The following AGBL4 variants were observed in gnomAD, a reference collection of about 807,000 sequenced individuals.
The protein encoded by AGBL4 is cytosolic carboxypeptidase 6.
In AGBL4, 58 loss-of-function variants were observed where a neutral mutation model predicts 66.4. The observed-to-expected ratio is 0.87, with a 90% CI of 0.71 to 1.09. AGBL4 has a LOEUF of 1.09. AGBL4 is among the 50% of genes least tolerant of loss of function. AGBL4 has a pLI of 0.00. For synonymous variants in AGBL4, 234 were observed against 222.9 expected, an observed-to-expected ratio of 1.05 and a Z score of -0.44; for missense variants, 579 against 631.0, an observed-to-expected ratio of 0.92 and a Z score of 0.88.
chr1:48,603,272 C>T (rs1210821968), intron 9 of AGBL4, among the ~76,000 whole-genome samples: 1 of 152,036 alleles, frequency 6.6e-6, no homozygotes, highest in Non-Finnish European at 1.5e-5. Context: ...GAGGTCGAGA[C>T]AATCCTGGTC....
chr1:48,727,862 A>G, intron 6 of AGBL4: 1 of 1,592,022 alleles, frequency 6.3e-7, no homozygotes, highest in Non-Finnish European at 8.6e-7. Context: ...GGAAAACACG[A>G]AAGCTTTATG....
chr1:49,371,256 C>G (rs372066820), intron 3 of AGBL4, among the ~76,000 whole-genome samples: 2,111 of 119,856 alleles, frequency 0.018, 30 homozygotes, highest in African/African-American at 0.056. Context: ...TAGATACATA[C>G]ATACATACAT....
chr1:48,669,589 C>T (rs1646244053), intron 6 of AGBL4, among the ~76,000 whole-genome samples: 1 of 152,158 alleles, frequency 6.6e-6, no homozygotes, highest in African/African-American at 2.4e-5. Context: ...AAACTGGCCT[C>T]ATCATTAACT....
chr1:48,523,387 CT>C, the AGBL4 span, among the ~76,000 whole-genome samples: 1 of 152,160 alleles, frequency 6.6e-6, no homozygotes, highest in Non-Finnish European at 1.5e-5. Flanking sequence ...ACTACATTCA[CT>C]TTCCCTGAAA....
intron 5 of AGBL4, among the ~76,000 whole-genome samples, chr1:48,884,621 A>C (rs1484183567): frequency 1.3e-5 from 2 of 152,232 alleles, no homozygotes; most frequent in African/African-American, 4.8e-5. Context: ...TCACAAATAC[A>C]TTTACACAGA....
intron 6 of AGBL4, among the ~76,000 whole-genome samples, chr1:48,703,356 A>G (rs1221239254): frequency 1.3e-5 from 2 of 152,204 alleles, no homozygotes; most frequent in Non-Finnish European, 2.9e-5. Flanking sequence ...CACTGCAGAA[A>G]ACTGAAACAG....
chr1:48,587,063 G>T lies in AGBL4; in HGVS notation c.1208C>A (p.Ser403Tyr), dbSNP rs992195025. ...HTSYCYTLEV[S>Y]FYSYIISGTT... ...GCCACTGATGATGTAGCTGTAGAAG[G>T]AGACCTCTAGGGTGTAGCAATAGGA... is the stretch of plus-strand genomic sequence containing the variant. The change falls in exon 11 of 14, where the codon TCC becomes TAC. Residue 403 changes from serine to tyrosine, a missense_variant. Ser to Tyr is a moderately radical substitution (Grantham distance 144). Coordinates refer to ENST00000371839, the MANE Select transcript of AGBL4 (RefSeq NM_032785.4). 1.9e-6 allele frequency: 3 copies of T among 1,606,240 alleles called. No homozygotes were observed. The highest frequency in any genetic ancestry group is 2.5e-6 in the Non-Finnish European group (3 of 1,176,736).
chr1:48,583,170 C>A (rs1644765343), intron 11 of AGBL4, among the ~76,000 whole-genome samples: 1 of 152,178 alleles, frequency 6.6e-6, no homozygotes, highest in Non-Finnish European at 1.5e-5. Context: ...ACTGTGATGA[C>A]CCCACCAATG....
At chr1:49,185,292 G>T (rs955939032) in intron 4 of AGBL4, among the ~76,000 whole-genome samples, 6 of 152,190 alleles carry the variant, frequency 3.9e-5, no homozygotes, top group Non-Finnish European at 8.8e-5. Context: ...TGGCAGAAAT[G>T]CCTTGCCAGA....
At chr1:49,286,894 C>G (rs1239187913) in intron 3 of AGBL4, among the ~76,000 whole-genome samples, 1 of 152,022 alleles carries the variant, frequency 6.6e-6, no homozygotes, top group East Asian at 1.9e-4. Flanking sequence ...AAAAAGAGCC[C>G]GCATCGCCAA....
intron 3 of AGBL4, among the ~76,000 whole-genome samples, chr1:49,573,485 C>T (rs904413924): frequency 6.6e-6 from 1 of 152,186 alleles, no homozygotes; most frequent in Non-Finnish European, 1.5e-5. Flanking sequence ...ACACATAATA[C>T]CTTTGACCAT....
chr1:49,790,439 T>C (rs923864221), intron 2 of AGBL4, among the ~76,000 whole-genome samples: 2 of 151,064 alleles, frequency 1.3e-5, no homozygotes, highest in African/African-American at 4.9e-5. Context: ...GTTCAATCTA[T>C]GCAGATCATA....
intron 3 of AGBL4, among the ~76,000 whole-genome samples, chr1:49,296,657 GA>G (rs1206320215): frequency 1.3e-5 from 2 of 152,176 alleles, no homozygotes; most frequent in African/African-American, 4.8e-5. Context: ...ATAGCCCTGT[GA>G]GTTGCCTGTA....
chr1:48,861,776 C>CT (rs1358169930), intron 6 of AGBL4, among the ~76,000 whole-genome samples: 1 of 152,208 alleles, frequency 6.6e-6, no homozygotes, highest in African/African-American at 2.4e-5. Flanking sequence ...CACCCAATGA[C>CT]TATGCCTCCT....
At chr1:49,286,264 G>A (rs1393641660) in intron 3 of AGBL4, among the ~76,000 whole-genome samples, 1 of 151,908 alleles carries the variant, frequency 6.6e-6, no homozygotes, top group East Asian at 1.9e-4. Context: ...CATACTGAAT[G>A]GGCAAAAACT....
intron 6 of AGBL4, among the ~76,000 whole-genome samples, chr1:48,739,724 G>A (rs778404579): frequency 6.6e-6 from 1 of 152,198 alleles, no homozygotes; most frequent in Admixed American, 6.5e-5. Flanking sequence ...GTGTCAGGAG[G>A]ACACAGCAAC....
chr1:48,930,727 A>G (rs1654968302), intron 5 of AGBL4, among the ~76,000 whole-genome samples: 1 of 152,218 alleles, frequency 6.6e-6, no homozygotes, highest in Admixed American at 6.5e-5. Context: ...CATGTCATAA[A>G]TATTTTGTCA....
At chr1:49,504,447 C>T (rs1473467780) in intron 3 of AGBL4, among the ~76,000 whole-genome samples, 1 of 151,838 alleles carries the variant, frequency 6.6e-6, no homozygotes, top group Non-Finnish European at 1.5e-5. Context: ...ATGATTTGTC[C>T]ACTGCTGAAA....
At chr1:49,500,750 T>C (rs1317509750) in intron 3 of AGBL4, among the ~76,000 whole-genome samples, 6 of 152,134 alleles carry the variant, frequency 3.9e-5, no homozygotes, top group Non-Finnish European at 8.8e-5. Flanking sequence ...CCTGTTTTTA[T>C]ACCAGTACCA....
Sources: allele counts gnomAD v4.1 joint callset (sites outside exome capture counted in the v4.1 genomes callset), GRCh38; gene constraint gnomAD v4.1.1; transcripts MANE v1.5; gene names NCBI Gene and HGNC (gene_info 2026-07-23, HGNC 2026-07-21).